TSR1: variants seen among roughly 807,000 people sequenced by gnomAD.
The protein encoded by TSR1 is pre-rRNA-processing protein TSR1 homolog.
TSR1 carries 81 observed loss-of-function variants against 90.9 expected under a neutral mutation model. That is an observed-to-expected ratio of 0.89 (90% CI 0.74 to 1.07). TSR1 has a LOEUF of 1.07. Among genes scored for constraint, TSR1 ranks in the 50% least tolerant of loss-of-function variants. The pLI is 0.00. For synonymous variants in TSR1, 362 were observed against 348.8 expected (o/e 1.04, Z -0.42); for missense variants, 989 against 987.3 (o/e 1.00, Z -0.02).
chr17:2,335,889 C>A (rs1299606225), intron 2 of TSR1, 148 bp downstream of exon 2: 4 of 1,205,952 alleles, frequency 3.3e-6, no homozygotes, highest in South Asian at 1.4e-5. Flanking sequence ...CTGACCAAAG[C>A]AAAGAATGCT....
chr17:2,329,417 G>A lies in TSR1; in HGVS notation c.1829C>T (p.Ala610Val), dbSNP rs2075592933. 2 of 1,614,118 alleles carry A rather than the reference G, an allele frequency of 1.2e-6. No individual in the cohort carries two copies. The highest frequency in any genetic ancestry group is 1.7e-6 in the Non-Finnish European group (2 of 1,180,030). Residue 610 changes from alanine (A) to valine (V), a missense_variant, in exon 11 of 15, where the codon GCC becomes GTC. Physicochemically the swap from Ala to Val is moderately conservative, Grantham distance 64 (BLOSUM62 0). Coordinates refer to ENST00000301364, the MANE Select transcript of TSR1 (RefSeq NM_018128.5). The stretch of plus-strand genomic sequence containing the variant: ...ACAGTGAAATATGAGCTCTTCCTTG[G>A]CTTTCACAGGTTCAGTGTTGCCAGG... ...RDPGNTEPVK[A>V]KEELIFHCGF...
At chr17:2,328,637 G>A (rs752468510) in intron 11 of TSR1, among the ~76,000 whole-genome samples, 1 of 149,092 alleles carries the variant, frequency 6.7e-6, no homozygotes. Context: ...AAAAACAAGA[G>A]GGGGCGCGGT....
At position 2,334,569 on chromosome 17, in the gene TSR1, C is replaced by G; in HGVS notation, c.884G>C (p.Gly295Ala). The change falls in exon 5 of 15, where the codon GGT (glycine) becomes GCT (alanine). Residue 295 changes from glycine to alanine, a missense_variant. Physicochemically the swap from Gly to Ala is moderately conservative, Grantham distance 60 (BLOSUM62 0). Coordinates refer to ENST00000301364, the MANE Select transcript of TSR1 (RefSeq NM_018128.5). ...ATCTATCTGTTTCATCTGGAAATCA[C>G]CATATCCAACGATATGCAGCAACCT... ...VNRLLHIVGYGDFQMKQIDAP... is the reference protein window; with the variant it reads ...VNRLLHIVGYADFQMKQIDAP... 1.2e-6 allele frequency: 2 copies of G among 1,614,164 alleles called. No individual in the cohort carries two copies. Among genetic ancestry groups the G allele is most frequent in the Non-Finnish European group, 1.7e-6 (2 of 1,180,040 alleles).
chr17:2,334,936 C>A, intron 4 of TSR1, 40 bp from the exon 5 acceptor site: 1 of 1,566,320 alleles, frequency 6.4e-7, no homozygotes, highest in South Asian at 1.2e-5. Context: ...CCTACTGCTT[C>A]ATTACATAAA....
Position 2,336,238 on chromosome 17 carries a change from G to A in TSR1, c.97+93C>T. The A allele has an allele frequency of 1.9e-6, 3 of 1,601,650 alleles. No individual in the cohort carries two copies. The East Asian group carries it at 6.7e-5, about 36-fold the overall frequency. On this transcript the variant is annotated intron_variant, in intron 1 of 14. Transcript: ENST00000301364. ...CCTTAGAAAGGGCCTTTCGCGTGGA[G>A]CCCAGACGGGAGACAGAAGCTCAGT... is the stretch of plus-strand genomic sequence containing the variant.
In TSR1 at chr17:2,331,116, T is replaced by C; in HGVS notation, c.1497-7A>G. 1 of 1,567,094 alleles carries C rather than the reference T, an allele frequency of 6.4e-7. No homozygotes were observed. Among genetic ancestry groups the C allele is most frequent in the Non-Finnish European group, 8.6e-7 (1 of 1,165,468 alleles). On this transcript the variant is annotated splice_polypyrimidine_tract_variant and splice_region_variant and intron_variant, in intron 8 of 14. Transcript: ENST00000301364. Reference sequence around the variant, plus strand: ...GCCTCTGTATTTCTGAAATCTAGAATATTGAAGATTTTTAAAGACATTAAG... The same window carrying C: ...GCCTCTGTATTTCTGAAATCTAGAACATTGAAGATTTTTAAAGACATTAAG...
At position 2,334,641 on chromosome 17, in the gene TSR1, G is replaced by T; in HGVS notation, c.812C>A (p.Thr271Asn). ...VPSEENNLVG[T>N]LKISGYVRGQ... ...TCGAACATAGCCTGAAATTTTCAAG[G>T]TGCCCACCAAGTTATTCTCTTCACT... is the stretch of plus-strand genomic sequence containing the variant. Residue 271 changes from threonine (T) to asparagine (N), a missense_variant, in exon 5 of 15, where the codon ACC (threonine) becomes AAC (asparagine). Thr to Asn is a moderately conservative substitution (Grantham distance 65). Coordinates refer to ENST00000301364, the MANE Select transcript of TSR1 (RefSeq NM_018128.5). The T allele has an allele frequency of 6.2e-7, 1 of 1,613,812 alleles. No homozygotes were observed. The highest frequency in any genetic ancestry group is 1.3e-5 in the African/African-American group (1 of 75,006).
At position 2,329,403 on chromosome 17, in the gene TSR1, T is replaced by A. The variant is rs1411304359; in HGVS notation, c.1843A>T (p.Ile615Leu). The A allele has an allele frequency of 6.2e-7, 1 of 1,614,214 alleles. No individual in the cohort carries two copies. Among genetic ancestry groups the A allele is most frequent in the Non-Finnish European group, 8.5e-7 (1 of 1,180,044 alleles). The change falls in exon 11 of 15, where the codon ATA (isoleucine) becomes TTA (leucine). Residue 615 changes from isoleucine (I) to leucine (L), a missense_variant. By Grantham distance (5) the Ile-to-Leu change is conservative. Coordinates refer to ENST00000301364, the MANE Select transcript of TSR1 (RefSeq NM_018128.5). The stretch of plus-strand genomic sequence containing the variant: ...AAGCGCCTGAATCCACAGTGAAATA[T>A]GAGCTCTTCCTTGGCTTTCACAGGT... ...TEPVKAKEEL[I>L]FHCGFRRFRA...
chr17:2,324,607 A>G (rs2151438887), intron 13 of TSR1, 29 bp from the exon 14 acceptor site: 1 of 1,614,140 alleles, frequency 6.2e-7, no homozygotes, highest in Non-Finnish European at 8.5e-7. Context: ...AAAGACCAAG[A>G]TGAAACATTT....
At chr17:2,334,130 C>T (rs1479414786) in intron 5 of TSR1, among the ~76,000 whole-genome samples, 2 of 152,202 alleles carry the variant, frequency 1.3e-5, no homozygotes, top group Non-Finnish European at 2.9e-5. Flanking sequence ...GTGAAGCTTG[C>T]TAGTCTACTT....
In TSR1 at chr17:2,335,656, GCTGT is replaced by G; in HGVS notation, c.272_275del (p.His91ProfsTer22). The G allele has an allele frequency of 6.2e-7, 1 of 1,614,114 alleles. No homozygotes were observed. Among genetic ancestry groups the G allele is most frequent in the Non-Finnish European group, 8.5e-7 (1 of 1,180,036 alleles). On this transcript the variant is annotated frameshift_variant, in exon 3 of 15. Transcript: ENST00000301364. LOFTEE classifies it high-confidence loss of function. ...GCATGGCCTCTGGCAGGGAAATTCTGCTGTGCAGGGGCACCACCAGTACCTGATG... is the reference window on the plus strand; with the variant it reads ...GCATGGCCTCTGGCAGGGAAATTCTGGCAGGGGCACCACCAGTACCTGATG...
chr17:2,332,028 C>T, intron 8 of TSR1, 141 bp downstream of exon 8: 1 of 865,582 alleles, frequency 1.2e-6, no homozygotes. Context: ...GTATGTCCTG[C>T]CTTCCCATAT....
Position 2,336,099 on chromosome 17 carries a change from C to A in TSR1, c.139G>T (p.Glu47Ter). ...TGCCTCTGGTCGACTCTGCTGAGTTCTTTTCTCACCTTCTTGCTTAGGGTT... is the reference window on the plus strand; with the variant it reads ...TGCCTCTGGTCGACTCTGCTGAGTTATTTTCTCACCTTCTTGCTTAGGGTT... ...LKTLSKKVRK[E>*]LSRVDQRHRA... Residue 47 changes from glutamate (E) to a stop codon, truncating the protein, a stop_gained, in exon 2 of 15, where the codon GAA (glutamate) becomes TAA (stop). Transcript: ENST00000301364. LOFTEE classifies it high-confidence loss of function. 1 of 1,614,224 alleles carries A rather than the reference C, an allele frequency of 6.2e-7. No individual in the cohort carries two copies. The highest frequency in any genetic ancestry group is 8.5e-7 in the Non-Finnish European group (1 of 1,180,038).
intron 1 of TSR1, 90 bp from the exon 2 acceptor site, chr17:2,336,230 C>G (rs1182403593): frequency 2.9e-5 from 47 of 1,601,184 alleles, no homozygotes; most frequent in East Asian, 6.7e-5. Flanking sequence ...AAGGGCCTTT[C>G]GCGTGGAGCC....
chr17:2,325,034 A>T (rs2075567465), intron 12 of TSR1: 1 of 621,716 alleles, frequency 1.6e-6, no homozygotes. Context: ...GAAATGATGT[A>T]TAACAAAACC....
intron 12 of TSR1, chr17:2,325,095 GTTAT>G (rs762650442): frequency 2.0e-5 from 12 of 590,662 alleles, no homozygotes; most frequent in Non-Finnish European, 2.6e-5. Flanking sequence ...ACAAAAGGCA[GTTAT>G]TTGAGGACTG....
chr17:2,329,437 G>A lies in TSR1; in HGVS notation c.1809C>T (p.Gly603=). Residue 603 remains glycine, a synonymous_variant, in exon 11 of 15, where the codon GGC becomes GGT. Coordinates refer to ENST00000301364, the MANE Select transcript of TSR1 (RefSeq NM_018128.5). ...CCTTGGCTTTCACAGGTTCAGTGTT[G>A]CCAGGGTCACGCCTCACCACCATAT... ...VLNMVVRRDP[G]NTEPVKAKEE... 3 of 1,614,142 alleles carry A rather than the reference G, an allele frequency of 1.9e-6. No homozygotes were observed. The highest frequency in any genetic ancestry group is 2.5e-6 in the Non-Finnish European group (3 of 1,180,032).
chr17:2,335,399 A>G lies in TSR1; in HGVS notation c.422-5T>C, dbSNP rs780508491. On this transcript the variant is annotated splice_polypyrimidine_tract_variant and splice_region_variant and intron_variant, in intron 3 of 14. Coordinates refer to ENST00000301364, the MANE Select transcript of TSR1 (RefSeq NM_018128.5). ...CTAACACAACGTGCAGATCCCCTGCAGATAGAAGACACAGTAAGAAGAGGT... is the reference window on the plus strand; with the variant it reads ...CTAACACAACGTGCAGATCCCCTGCGGATAGAAGACACAGTAAGAAGAGGT... 6.2e-7 allele frequency: 1 copy of G among 1,613,388 alleles called. No homozygotes were observed. Among genetic ancestry groups the G allele is most frequent in the African/African-American group, 1.3e-5 (1 of 74,828 alleles).
chr17:2,333,603 C>T lies in TSR1; in HGVS notation c.1095G>A (p.Glu365=). 6.2e-7 allele frequency: 1 copy of T among 1,614,160 alleles called. No homozygotes were observed. The highest frequency in any genetic ancestry group is 8.5e-7 in the Non-Finnish European group (1 of 1,180,030). ...CCTCAGTGGGCCAGGTTTGCTCTCC[C>T]TCCATTGGATCTGGGATAACCTCTG... ...LQAEVIPDPM[E]GEQTWPTEEE... Residue 365 remains glutamate (E), a synonymous_variant, in exon 6 of 15, where the codon GAG becomes GAA. Transcript: ENST00000301364.
Sources: gnomAD v4.1 joint callset for allele counts (sites outside exome capture counted in the v4.1 genomes callset) on GRCh38, gnomAD v4.1.1 for gene constraint, MANE v1.5 for transcripts, NCBI Gene and HGNC (gene_info 2026-07-23, HGNC 2026-07-21) for gene names.